NCKAP5: variants seen among roughly 807,000 people sequenced by gnomAD.
NCKAP5 encodes the protein nck-associated protein 5.
A neutral mutation model predicts 167.0 loss-of-function variants in NCKAP5; 92 were observed. The ratio of observed to expected loss-of-function variants is 0.55; its 90% CI spans 0.47 to 0.66. The LOEUF is 0.66. Ranked by LOEUF, NCKAP5 falls within the 30% of genes least tolerant of loss-of-function variation. NCKAP5 has a pLI of 0.00. For synonymous variants in NCKAP5, 891 were observed against 877.4 expected, an observed-to-expected ratio of 1.02 and a Z score of -0.27; for missense variants, 2,378 against 2,315.0, an observed-to-expected ratio of 1.03 and a Z score of -0.56.
the NCKAP5 span, among the ~76,000 whole-genome samples, chr2:133,623,548 A>C: frequency 6.6e-6 from 1 of 152,128 alleles, no homozygotes; most frequent in African/African-American, 2.4e-5. Flanking sequence ...CATATGGAAA[A>C]ATGTTCAACA....
intron 18 of NCKAP5, 90 bp downstream of exon 18, chr2:132,728,726 G>T: frequency 6.6e-7 from 1 of 1,510,316 alleles, no homozygotes; most frequent in Non-Finnish European, 9.0e-7. Context: ...CATTTAAAGT[G>T]AAATCTATCA....
At chr2:133,239,935 A>C (rs999785587) in intron 4 of NCKAP5, among the ~76,000 whole-genome samples, 2 of 152,016 alleles carry the variant, frequency 1.3e-5, no homozygotes, top group Admixed American at 6.6e-5. Context: ...CCAATGTCTG[A>C]CTATCTAACA....
chr2:133,417,123 TA>T (rs55760727), intron 3 of NCKAP5, among the ~76,000 whole-genome samples: 32,815 of 139,188 alleles, frequency 0.24, 3,712 homozygotes, highest in African/African-American at 0.3. Flanking sequence ...GAAAGTATGT[TA>T]AAAAAAAAAA....
intron 3 of NCKAP5, among the ~76,000 whole-genome samples, chr2:133,320,531 A>T (rs939594550): frequency 6.6e-6 from 1 of 152,144 alleles, no homozygotes; most frequent in Non-Finnish European, 1.5e-5. Flanking sequence ...GATCGAGACC[A>T]TCCTGGCTAA....
intron 8 of NCKAP5, among the ~76,000 whole-genome samples, chr2:132,910,483 A>G (rs1177258905): frequency 6.6e-6 from 1 of 151,908 alleles, no homozygotes; most frequent in East Asian, 1.9e-4. Flanking sequence ...AATTATTTTA[A>G]TTTTTAGATC....
intron 16 of NCKAP5, among the ~76,000 whole-genome samples, chr2:132,768,641 T>TC (rs1441789427): frequency 1.8e-5 from 2 of 109,980 alleles, no homozygotes; most frequent in African/African-American, 3.1e-5. Flanking sequence ...TAATATCTTT[T>TC]TTTTTTTTTT....
intron 3 of NCKAP5, among the ~76,000 whole-genome samples, chr2:133,324,375 T>TA (rs111430248): frequency 6.6e-6 from 1 of 152,242 alleles, no homozygotes; most frequent in Non-Finnish European, 1.5e-5. Context: ...TGGAATTACA[T>TA]AAAAAATATT....
At chr2:133,384,008 C>T (rs1299570455) in intron 3 of NCKAP5, among the ~76,000 whole-genome samples, 1 of 152,104 alleles carries the variant, frequency 6.6e-6, no homozygotes, top group Non-Finnish European at 1.5e-5. Flanking sequence ...CTGTAGGTTG[C>T]CTGTTCACTC....
upstream of NCKAP5, among the ~76,000 whole-genome samples, chr2:133,570,279 T>C (rs1018127380): frequency 1.3e-5 from 2 of 152,230 alleles, no homozygotes; most frequent in African/African-American, 4.8e-5. Context: ...GGTTTGACTT[T>C]TTTTCAATGA....
chr2:133,462,817 T>C (rs1692285424), intron 3 of NCKAP5, among the ~76,000 whole-genome samples: 1 of 152,206 alleles, frequency 6.6e-6, no homozygotes, highest in African/African-American at 2.4e-5. Context: ...CATAAGAGCA[T>C]GAATATGTCA....
At chr2:133,069,311 G>A (rs2080307855) in intron 6 of NCKAP5, among the ~76,000 whole-genome samples, 1 of 152,130 alleles carries the variant, frequency 6.6e-6, no homozygotes. Flanking sequence ...ATCTTTCTAA[G>A]CCCCTTTCCT....
At chr2:132,898,997 G>A (rs866343241) in intron 8 of NCKAP5, among the ~76,000 whole-genome samples, 18 of 152,204 alleles carry the variant, frequency 1.2e-4, no homozygotes, top group African/African-American at 3.1e-4. Context: ...CTTTGATGGC[G>A]GGCATTGACT....
intron 11 of NCKAP5, among the ~76,000 whole-genome samples, chr2:132,829,619 G>A (rs1004078781): frequency 9.2e-5 from 14 of 152,054 alleles, no homozygotes; most frequent in African/African-American, 2.9e-4. Context: ...AATGCTTCCC[G>A]ACCCCTGATC....
At chr2:133,329,666 A>G (rs2150714948) in intron 3 of NCKAP5, among the ~76,000 whole-genome samples, 1 of 152,302 alleles carries the variant, frequency 6.6e-6, no homozygotes, top group East Asian at 1.9e-4. Context: ...GTATCATGAC[A>G]CATTGAAATA....
At chr2:133,374,854 A>G (rs1686037198) in intron 3 of NCKAP5, among the ~76,000 whole-genome samples, 1 of 152,212 alleles carries the variant, frequency 6.6e-6, no homozygotes, top group Non-Finnish European at 1.5e-5. Context: ...TGGAGAAGTA[A>G]TCAGCATCAG....
intron 8 of NCKAP5, among the ~76,000 whole-genome samples, chr2:132,890,764 G>A (rs1000844043): frequency 4.7e-4 from 71 of 152,274 alleles, no homozygotes; most frequent in African/African-American, 1.5e-3. Context: ...TAGCGTAGTT[G>A]GCTAAAGGGT....
chr2:133,459,636 T>C (rs1692078743), intron 3 of NCKAP5, among the ~76,000 whole-genome samples: 1 of 152,200 alleles, frequency 6.6e-6, no homozygotes, highest in African/African-American at 2.4e-5. Flanking sequence ...CACATTTTAA[T>C]ATACTGGGAT....
At chr2:133,002,564 T>G (rs2077822324) in intron 6 of NCKAP5, among the ~76,000 whole-genome samples, 1 of 152,188 alleles carries the variant, frequency 6.6e-6, no homozygotes, top group Admixed American at 6.5e-5. Context: ...TATTTACCTG[T>G]TGAAGCATTT....
At chr2:133,054,757 T>C (rs1450377798) in intron 6 of NCKAP5, among the ~76,000 whole-genome samples, 1 of 152,138 alleles carries the variant, frequency 6.6e-6, no homozygotes, top group Non-Finnish European at 1.5e-5. Flanking sequence ...ATGCCCACTC[T>C]TATCAAATCC....
Sources: allele counts gnomAD v4.1 joint callset (sites outside exome capture counted in the v4.1 genomes callset), GRCh38; gene constraint gnomAD v4.1.1; transcripts MANE v1.5; gene names NCBI Gene and HGNC (gene_info 2026-07-23, HGNC 2026-07-21).